Variants in LRRTM4 observed in about 807,000 individuals in gnomAD.
LRRTM4 encodes the protein leucine-rich repeat transmembrane neuronal protein 4.
A neutral mutation model predicts 47.6 loss-of-function variants in LRRTM4; 25 were observed. The ratio of observed to expected loss-of-function variants is 0.53; its 90% CI spans 0.38 to 0.73. LRRTM4 has a LOEUF of 0.73. Ranked by LOEUF, LRRTM4 falls within the 30% of genes least tolerant of loss-of-function variation. The pLI is 0.00. For missense variants in LRRTM4, 638 were observed against 713.4 expected (o/e 0.89, Z 1.20); for synonymous variants, 311 against 269.5 (o/e 1.15, Z -1.51).
chr2:76,807,471 CATAT>C lies in LRRTM4; in HGVS notation c.1552-58559_1552-58556del, dbSNP rs1553412706. Among the ~76,000 whole-genome samples, 125 of 97,454 alleles carry C rather than the reference CATAT, an allele frequency of 1.3e-3. 2 individuals carry two copies. Among genetic ancestry groups the C allele is most frequent in the African/African-American group, 6.1e-3 (113 of 18,384 alleles). The allele number at this position is 97,454 out of a possible 152,430, so 63.9% of individuals were successfully genotyped here. On this transcript the variant is annotated intron_variant, in intron 3 of 3. Coordinates refer to ENST00000409884, the MANE Select transcript of LRRTM4 (RefSeq NM_001134745.3). ...ATATATATATATACATATATATATA[CATAT>C]ATATATATATACATATATATATATA...
At chr2:76,904,752 C>A (rs925736052) in intron 3 of LRRTM4, among the ~76,000 whole-genome samples, 2 of 152,056 alleles carry the variant, frequency 1.3e-5, no homozygotes, top group Admixed American at 1.3e-4. Context: ...GCCAGAGCAA[C>A]ATCAAATGTA....
intron 3 of LRRTM4, among the ~76,000 whole-genome samples, chr2:77,091,909 C>G (rs548895460): frequency 1.3e-3 from 184 of 141,904 alleles, no homozygotes; most frequent in South Asian, 9.7e-3. Flanking sequence ...CCTTTCCTTC[C>G]TGGGCATGGT....
intron 3 of LRRTM4, among the ~76,000 whole-genome samples, chr2:76,935,584 T>C (rs1674919158): frequency 6.6e-6 from 1 of 152,202 alleles, no homozygotes; most frequent in Admixed American, 6.5e-5. Context: ...GTAAGTTGTA[T>C]TCCTAGGTAT....
chr2:76,940,749 T>C (rs1220806949), intron 3 of LRRTM4, among the ~76,000 whole-genome samples: 3 of 152,204 alleles, frequency 2.0e-5, no homozygotes, highest in African/African-American at 4.8e-5. Context: ...AAAGTGAGTG[T>C]GTGGATGAGG....
chr2:77,519,712 C>T lies in LRRTM4; in HGVS notation c.157G>A (p.Ala53Thr), dbSNP rs141419994. 7 of 1,613,334 alleles carry T rather than the reference C, an allele frequency of 4.3e-6. No individual in the cohort carries two copies. Among genetic ancestry groups the T allele is most frequent in the East Asian group, 2.2e-5 (1 of 44,816 alleles). ...KIVYCESHAF[A>T]DIPENISGGS... ...CCAGAAATGTTCTCAGGGATATCTG[C>T]GAAAGCATGAGACTCACAGTACACA... The change falls in exon 3 of 4, where the codon GCA becomes ACA. Residue 53 changes from alanine to threonine, a missense_variant. Transcript: ENST00000409884. The surrounding 1 kb of genome is among the most constrained non-coding windows in gnomAD (Gnocchi z 4.6).
rs1489846142 is a variant in LRRTM4, at chr2:77,465,926, A to ATGCTTGTG, written c.1551+52391_1551+52392insCACAAGCA. Among the ~76,000 whole-genome samples the ATGCTTGTG allele has an allele frequency of 7.9e-3, 1,205 of 152,248 alleles. 5 individuals carry two copies. The highest frequency in any genetic ancestry group is 0.012 in the Non-Finnish European group (788 of 68,010). The stretch of plus-strand genomic sequence containing the variant: ...GGAGCTGGCACCTAGGTAATGATAA[A>ATGCTTGTG]AGCAGCAGGCTTCTCAAATGCAATA... On this transcript the variant is annotated intron_variant, in intron 3 of 3. Coordinates refer to ENST00000409884, the MANE Select transcript of LRRTM4 (RefSeq NM_001134745.3).
chr2:77,306,963 G>T (rs1186062031), intron 3 of LRRTM4, among the ~76,000 whole-genome samples: 1 of 139,844 alleles, frequency 7.2e-6, no homozygotes, highest in East Asian at 2.1e-4. Context: ...GCAGTGGCGC[G>T]ATCTCGGCTC....
chr2:77,068,755 CT>C (rs1680046822), intron 3 of LRRTM4, among the ~76,000 whole-genome samples: 2 of 152,216 alleles, frequency 1.3e-5, no homozygotes, highest in Non-Finnish European at 2.9e-5. Context: ...CCCCCAAAAT[CT>C]GGCCATAAAC....
chr2:77,079,077 T>C (rs1680442989), intron 3 of LRRTM4, among the ~76,000 whole-genome samples: 1 of 152,132 alleles, frequency 6.6e-6, no homozygotes, highest in Non-Finnish European at 1.5e-5. Context: ...TACCATCACA[T>C]TGAGGGTCAG....
intron 3 of LRRTM4, among the ~76,000 whole-genome samples, chr2:76,773,612 TAAAAATA>T (rs1041501651): frequency 1.3e-5 from 2 of 151,626 alleles, no homozygotes; most frequent in Non-Finnish European, 2.9e-5. Flanking sequence ...AAGGAACAAC[TAAAAATA>T]AAAAATAAAT....
At chr2:77,358,451 G>A (rs1672053492) in intron 3 of LRRTM4, among the ~76,000 whole-genome samples, 1 of 152,106 alleles carries the variant, frequency 6.6e-6, no homozygotes, top group African/African-American at 2.4e-5. Flanking sequence ...ATGGCACCAA[G>A]CCACTCATAA....
At chr2:76,929,210 T>C (rs79348401) in intron 3 of LRRTM4, among the ~76,000 whole-genome samples, 1,576 of 152,250 alleles carry the variant, frequency 0.01, 30 homozygotes, top group African/African-American at 0.036. Flanking sequence ...GACATATCAC[T>C]GGAAGGAAAG....
chr2:77,083,866 G>A (rs1288686044), intron 3 of LRRTM4, among the ~76,000 whole-genome samples: 5 of 133,162 alleles, frequency 3.8e-5, no homozygotes, highest in Non-Finnish European at 6.2e-5. Flanking sequence ...GTGCAATGGT[G>A]AGATCTGGGC....
At chr2:76,756,271 C>T (rs1383106244) in intron 3 of LRRTM4, among the ~76,000 whole-genome samples, 3 of 152,170 alleles carry the variant, frequency 2.0e-5, no homozygotes, top group African/African-American at 7.2e-5. Context: ...ATCTCTGAAT[C>T]CATCTATGAC....
chr2:77,322,924 G>A (rs188094113), intron 3 of LRRTM4, among the ~76,000 whole-genome samples: 118 of 151,208 alleles, frequency 7.8e-4, no homozygotes, highest in Middle Eastern at 3.4e-3. Flanking sequence ...ACTGTTACAT[G>A]GATATTTATA....
chr2:76,798,988 C>T (rs1675512855), intron 3 of LRRTM4, among the ~76,000 whole-genome samples: 1 of 150,654 alleles, frequency 6.6e-6, no homozygotes, highest in African/African-American at 2.4e-5. Context: ...GAGTCCAGGA[C>T]CAGATGGATT....
At chr2:77,372,701 A>C (rs1672695056) in intron 3 of LRRTM4, among the ~76,000 whole-genome samples, 1 of 151,732 alleles carries the variant, frequency 6.6e-6, no homozygotes, top group Non-Finnish European at 1.5e-5. Context: ...ACCTTCATGG[A>C]AAATATACTG....
chr2:77,253,455 T>C (rs1178936875), intron 3 of LRRTM4, among the ~76,000 whole-genome samples: 1 of 152,106 alleles, frequency 6.6e-6, no homozygotes, highest in Non-Finnish European at 1.5e-5. Context: ...GTTGAAGCTG[T>C]TTCAGAGAGG....
intron 3 of LRRTM4, among the ~76,000 whole-genome samples, chr2:76,813,509 AT>A (rs527848972): frequency 2.7e-4 from 41 of 152,268 alleles, no homozygotes; most frequent in Admixed American, 2.5e-3. Context: ...CTTATGTGAT[AT>A]TCTTTCTGTT....
Sources: gnomAD v4.1 joint callset for allele counts (sites outside exome capture counted in the v4.1 genomes callset) on GRCh38, gnomAD v4.1.1 for gene constraint, Gnocchi (gnomAD v3.1) non-coding constraint, MANE v1.5 for transcripts, NCBI Gene and HGNC (gene_info 2026-07-23, HGNC 2026-07-21) for gene names.